DSCAML1: variants seen among roughly 807,000 people sequenced by gnomAD.
DSCAML1 encodes the protein DS cell adhesion molecule like 1.
Under a neutral mutation model 200.5 loss-of-function variants are expected in DSCAML1, and 38 were observed. That is an observed-to-expected ratio of 0.19 (90% CI 0.15 to 0.25). DSCAML1 has a LOEUF of 0.25. Among genes scored for constraint, DSCAML1 ranks in the 10% least tolerant of loss-of-function variants. DSCAML1 has a pLI of 1.00. For synonymous variants in DSCAML1, 1,215 were observed against 1,165.0 expected (o/e 1.04, Z -0.87); for missense variants, 2,223 against 2,858.8 (o/e 0.78, Z 5.07).
intron 11 of DSCAML1, among the ~76,000 whole-genome samples, chr11:117,497,883 C>T (rs530669549): frequency 5.9e-5 from 9 of 152,364 alleles, no homozygotes; most frequent in South Asian, 4.1e-4. Context: ...AGTGCTGCCC[C>T]GCCTCCTCCC....
At chr11:117,736,978 G>T (rs2054327812) in intron 3 of DSCAML1, among the ~76,000 whole-genome samples, 1 of 152,286 alleles carries the variant, frequency 6.6e-6, no homozygotes. Context: ...AGGCATTACA[G>T]GGGGCAAACG....
intron 3 of DSCAML1, among the ~76,000 whole-genome samples, chr11:117,673,385 A>C (rs1189379267): frequency 6.6e-6 from 1 of 152,154 alleles, no homozygotes; most frequent in African/African-American, 2.4e-5. Context: ...GAAGACAGTC[A>C]GCTCCCCAAG....
chr11:117,432,675 C>A (rs530409564), intron 29 of DSCAML1, among the ~76,000 whole-genome samples, 171 bp from the exon 30 acceptor site: 2 of 151,910 alleles, frequency 1.3e-5, no homozygotes, highest in African/African-American at 4.8e-5. Flanking sequence ...TAATTGTGAT[C>A]ACTGCTCACT....
intron 17 of DSCAML1, among the ~76,000 whole-genome samples, chr11:117,464,377 C>T (rs1037568150): frequency 6.6e-6 from 1 of 152,116 alleles, no homozygotes; most frequent in African/African-American, 2.4e-5. Context: ...ATTCCTGCTT[C>T]CTCCTAACCC....
At chr11:117,549,054 TCCCTGTGTGGCTCCAAGGG>T (rs1331470746) in intron 3 of DSCAML1, among the ~76,000 whole-genome samples, 1 of 152,202 alleles carries the variant, frequency 6.6e-6, no homozygotes. Flanking sequence ...TGCCCCTGTG[TCCCTGTGTGGCTCCAAGGG>T]CACTGGGTGG....
At chr11:117,810,309 C>A (rs1248320598) in intron 1 of DSCAML1, among the ~76,000 whole-genome samples, 2 of 152,158 alleles carry the variant, frequency 1.3e-5, no homozygotes, top group African/African-American at 4.8e-5. Context: ...ACCCCTTCTC[C>A]TTCACCCTTA....
In DSCAML1 at chr11:117,505,937, T is replaced by A. The variant is rs533404503; in HGVS notation, c.1784-205A>T. Among the ~76,000 whole-genome samples, 1 of 152,346 alleles carries A rather than the reference T, an allele frequency of 6.6e-6. No individual in the cohort carries two copies. Among genetic ancestry groups the A allele is most frequent in the South Asian group, 2.1e-4 (1 of 4,826 alleles). ...TCTGCCCGCCCAGGCTGGGACCCAC[T>A]GTCTCTGTTCAGGGCCTTGACTGGC... is the stretch of plus-strand genomic sequence containing the variant. On this transcript the variant is annotated intron_variant, in intron 8 of 32. Coordinates refer to ENST00000651296, the MANE Select transcript of DSCAML1 (RefSeq NM_020693.4). The surrounding 1 kb of genome is among the most constrained non-coding windows in gnomAD (Gnocchi z 6.7).
intron 3 of DSCAML1, among the ~76,000 whole-genome samples, chr11:117,687,951 G>A (rs2053433462): frequency 6.6e-6 from 1 of 152,148 alleles, no homozygotes; most frequent in Non-Finnish European, 1.5e-5. Context: ...GATGTCTATG[G>A]GGAGTCCTGC....
chr11:117,460,175 CTTGGTT>C (rs751033140), intron 18 of DSCAML1, among the ~76,000 whole-genome samples: 25 of 152,380 alleles, frequency 1.6e-4, no homozygotes, highest in Non-Finnish European at 2.2e-4. Flanking sequence ...CCACCCTTTA[CTTGGTT>C]CCACACAAAT....
intron 3 of DSCAML1, among the ~76,000 whole-genome samples, chr11:117,745,400 C>T (rs917333886): frequency 3.3e-5 from 5 of 152,138 alleles, no homozygotes; most frequent in Non-Finnish European, 5.9e-5. Flanking sequence ...TGTTCCACCC[C>T]AAGGGAGCTT....
chr11:117,451,910 A>G (rs1268091027), intron 19 of DSCAML1, among the ~76,000 whole-genome samples: 1 of 152,074 alleles, frequency 6.6e-6, no homozygotes, highest in Non-Finnish European at 1.5e-5. Context: ...TCTGTCTCTA[A>G]CTCTCAGCTG....
Position 117,532,493 on chromosome 11 carries a change from C to T in DSCAML1, c.541G>A (p.Gly181Arg), listed in dbSNP as rs777256274. Residue 181 changes from glycine to arginine, a missense_variant, in exon 4 of 33, where the codon GGG becomes AGG. Transcript: ENST00000651296. ...TTCTGTACGTCAGAGATGTACAGCC[C>T]GCCGTGGTAGGTAATAAAAAACCTG... ...EHRFFITYHG[G>R]LYISDVQKED... 2.2e-5 allele frequency: 35 copies of T among 1,613,846 alleles called. No homozygotes were observed. The highest frequency in any genetic ancestry group is 1.1e-4 in the African/African-American group (8 of 74,912).
At chr11:117,507,110 C>T (rs2049515733) in intron 8 of DSCAML1, among the ~76,000 whole-genome samples, 6 of 152,226 alleles carry the variant, frequency 3.9e-5, no homozygotes. Flanking sequence ...CAGCCATTAT[C>T]TTTATGATAA....
At chr11:117,735,267 G>C (rs936754228) in intron 3 of DSCAML1, among the ~76,000 whole-genome samples, 4 of 152,234 alleles carry the variant, frequency 2.6e-5, no homozygotes, top group Non-Finnish European at 5.9e-5. Context: ...CAAAGAGTGT[G>C]TCTACGGCCA....
chr11:117,817,462 C>T (rs1196738268), exon 1 of DSCAML1: 4 of 152,280 alleles, frequency 2.6e-5, no homozygotes, highest in Admixed American at 1.3e-4. Context: ...CACCGATGCC[C>T]CATCAGTTGA....
intron 3 of DSCAML1, among the ~76,000 whole-genome samples, chr11:117,583,578 C>A (rs1230075597): frequency 6.6e-6 from 1 of 152,196 alleles, no homozygotes; most frequent in Non-Finnish European, 1.5e-5. Flanking sequence ...GCGCCATTAC[C>A]CTCCGTTCTG....
chr11:117,623,364 G>A (rs2051978498), intron 3 of DSCAML1, among the ~76,000 whole-genome samples: 1 of 151,936 alleles, frequency 6.6e-6, no homozygotes, highest in Non-Finnish European at 1.5e-5. Flanking sequence ...TTACAGGAGT[G>A]CGCCATGACA....
chr11:117,713,809 G>A (rs371746080), intron 3 of DSCAML1, among the ~76,000 whole-genome samples: 1 of 152,128 alleles, frequency 6.6e-6, no homozygotes, highest in South Asian at 2.1e-4. Flanking sequence ...GTGGTGGTGG[G>A]TGGTGGGCAG....
At chr11:117,585,658 C>A (rs1423923330) in intron 3 of DSCAML1, among the ~76,000 whole-genome samples, 1 of 152,104 alleles carries the variant, frequency 6.6e-6, no homozygotes, top group African/African-American at 2.4e-5. Flanking sequence ...GGGGGTGTGA[C>A]CCAATTGCTT....
Sources: gnomAD v4.1 joint callset for allele counts (sites outside exome capture counted in the v4.1 genomes callset) on GRCh38, gnomAD v4.1.1 for gene constraint, Gnocchi (gnomAD v3.1) non-coding constraint, MANE v1.5 for transcripts, NCBI Gene and HGNC (gene_info 2026-07-23, HGNC 2026-07-21) for gene names.